Variants in DACH2 observed in about 807,000 individuals in gnomAD.
DACH2 encodes dachshund homolog 2.
A neutral mutation model predicts 35.8 loss-of-function variants in DACH2; 17 were observed. The observed-to-expected ratio is 0.48, with a 90% confidence interval of 0.33 to 0.71. The LOEUF (loss-of-function observed/expected upper bound fraction) is 0.71, where lower values mean the gene tolerates loss of function less well. DACH2 is among the 30% of genes least tolerant of loss of function. The pLI is 0.02. For missense variants in DACH2, 469 were observed against 472.7 expected (o/e 0.99, Z 0.07); for synonymous variants, 195 against 177.3 (o/e 1.10, Z -0.79).
intron 3 of DACH2, among the ~76,000 whole-genome samples, chrX:86,581,762 A>G (rs1241868390): frequency 9.0e-6 from 1 of 111,686 alleles, no homozygotes; most frequent in Non-Finnish European, 1.9e-5. Flanking sequence ...CTATGAAGAG[A>G]CTTATATAAC....
At chrX:86,399,336 G>A (rs1002950046) in intron 2 of DACH2, among the ~76,000 whole-genome samples, 1 of 111,449 alleles carries the variant, frequency 9.0e-6, no homozygotes, top group Non-Finnish European at 1.9e-5. Context: ...TCTTTATCCA[G>A]TTTGCCAGTC....
At chrX:86,372,088 C>T (rs181913959) in intron 1 of DACH2, among the ~76,000 whole-genome samples, 2 of 110,972 alleles carry the variant, frequency 1.8e-5, no homozygotes, top group East Asian at 5.7e-4. Context: ...TTTTATCGAT[C>T]TTTTCGAATT....
intron 2 of DACH2, among the ~76,000 whole-genome samples, chrX:86,420,527 C>A (rs1483989806): frequency 9.6e-6 from 1 of 104,313 alleles, no homozygotes; most frequent in Non-Finnish European, 2.0e-5. Context: ...TGTGGCCAAA[C>A]AGTTTTCTTT....
At position 86,826,703 on chromosome X, in the gene DACH2, T is replaced by C. The variant is rs755528268; in HGVS notation, c.1751-5403T>C. Among the ~76,000 whole-genome samples the C allele has an allele frequency of 3.6e-5, 4 of 112,221 alleles. No individual in the cohort carries two copies. The South Asian group carries it at 1.5e-3, about 41-fold the overall frequency. On this transcript the variant is annotated intron_variant, in intron 11 of 11. Transcript: ENST00000373125. ...GAGAATATCATGTTCTGAACATATT[T>C]CCACAACTAAAGTTGAGTTTCTACA...
At chrX:86,686,221 T>TTTTATTTA (rs755445736) in intron 4 of DACH2, among the ~76,000 whole-genome samples, 10 of 111,058 alleles carry the variant, frequency 9.0e-5, no homozygotes, top group South Asian at 3.8e-4. Flanking sequence ...GGTATTTTTA[T>TTTTATTTA]TTTATTTATT....
intron 1 of DACH2, among the ~76,000 whole-genome samples, chrX:86,254,807 T>TATATATATATATATATATAG (rs1380613474): frequency 8.1e-5 from 4 of 49,652 alleles, no homozygotes; most frequent in East Asian, 8.3e-4. Context: ...TATATATATA[T>TATATATATATATATATATAG]AGAGAGAGAG....
chrX:86,433,707 T>C (rs2037021771), intron 2 of DACH2, among the ~76,000 whole-genome samples: 1 of 111,751 alleles, frequency 8.9e-6, no homozygotes, highest in Non-Finnish European at 1.9e-5. Context: ...TTTTATGTCT[T>C]TATTTTGGAA....
chrX:86,290,898 C>T (rs1331371042), intron 1 of DACH2, among the ~76,000 whole-genome samples: 189 of 107,503 alleles, frequency 1.8e-3, no homozygotes, highest in African/African-American at 5.9e-3. Context: ...ATTGACTTGG[C>T]GATGCGGGCT....
intron 3 of DACH2, among the ~76,000 whole-genome samples, chrX:86,649,591 C>T (rs1335554149): frequency 9.0e-6 from 1 of 111,070 alleles, no homozygotes; most frequent in African/African-American, 3.3e-5. Flanking sequence ...AAATGTATAT[C>T]ATCAGTTTAG....
intron 3 of DACH2, among the ~76,000 whole-genome samples, chrX:86,573,416 C>T (rs57435601): frequency 1.4e-3 from 159 of 111,426 alleles, no homozygotes; most frequent in African/African-American, 4.9e-3. Context: ...CTGGGGCTCT[C>T]CCATGCATTA....
intron 1 of DACH2, among the ~76,000 whole-genome samples, chrX:86,229,641 G>T (rs1449087160): frequency 9.1e-6 from 1 of 110,268 alleles, no homozygotes; most frequent in African/African-American, 3.3e-5. Context: ...TATGATTTCT[G>T]GTAGCAGTGT....
In DACH2 at chrX:86,177,644, G is replaced by A. The variant is rs376427009; in HGVS notation, c.488+28536G>A. On this transcript the variant is annotated intron_variant, in intron 1 of 11. Transcript: ENST00000373125. Reference sequence around the variant, plus strand: ...TCTTAATAGAGTATTTGGAAAGGAGGTTTTGGTCAGCATTTGCAGACTCCC... The same window carrying A: ...TCTTAATAGAGTATTTGGAAAGGAGATTTTGGTCAGCATTTGCAGACTCCC... Among the ~76,000 whole-genome samples, 6 of 111,152 alleles carry A rather than the reference G, an allele frequency of 5.4e-5. No homozygotes were observed. In the East Asian group the frequency reaches 1.4e-3, roughly 26 times the overall value.
intron 6 of DACH2, among the ~76,000 whole-genome samples, chrX:86,734,781 A>C (rs1177160355): frequency 4.2e-5 from 3 of 71,898 alleles, no homozygotes; most frequent in Non-Finnish European, 8.0e-5. Flanking sequence ...ACAATGAGCA[A>C]ATTTTTTATT....
At chrX:86,307,928 G>A (rs2034721755) in intron 1 of DACH2, among the ~76,000 whole-genome samples, 1 of 111,860 alleles carries the variant, frequency 8.9e-6, no homozygotes, top group Non-Finnish European at 1.9e-5. Flanking sequence ...TAGGGACTCT[G>A]CACTTAATTT....
intron 11 of DACH2, chrX:86,827,788 C>G: frequency 8.6e-7 from 1 of 1,166,142 alleles, no homozygotes; most frequent in African/African-American, 1.8e-5. Flanking sequence ...TGCCGGAACT[C>G]CAACTGATCA....
At chrX:86,544,950 G>A (rs760312445) in intron 3 of DACH2, among the ~76,000 whole-genome samples, 1 of 111,941 alleles carries the variant, frequency 8.9e-6, no homozygotes, top group African/African-American at 3.3e-5. Context: ...TTGCTGATGT[G>A]TGCCCAGATA....
intron 4 of DACH2, among the ~76,000 whole-genome samples, chrX:86,669,939 C>G (rs1375200554): frequency 4.5e-5 from 5 of 110,452 alleles, no homozygotes; most frequent in Non-Finnish European, 9.5e-5. Context: ...TCACAGGGGT[C>G]TCTATCTTTT....
intron 3 of DACH2, among the ~76,000 whole-genome samples, chrX:86,627,998 C>T (rs374677537): frequency 3.6e-5 from 4 of 111,913 alleles, no homozygotes; most frequent in African/African-American, 1.3e-4. Context: ...GTGAAGAGAA[C>T]GTAAAGTAGA....
chrX:86,685,735 G>A (rs773731626), intron 4 of DACH2, among the ~76,000 whole-genome samples: 1 of 110,753 alleles, frequency 9.0e-6, no homozygotes, highest in Non-Finnish European at 1.9e-5. Context: ...CATGGCAAAA[G>A]CAGTAGCAAT....
Sources: gnomAD v4.1 joint callset for allele counts (sites outside exome capture counted in the v4.1 genomes callset) on GRCh38, gnomAD v4.1.1 for gene constraint, MANE v1.5 for transcripts, NCBI Gene and HGNC (gene_info 2026-07-23, HGNC 2026-07-21) for gene names.